Variants in USP33 observed in about 807,000 individuals in gnomAD.
USP33 encodes the protein ubiquitin specific peptidase 33, also known as ubiquitin carboxyl-terminal hydrolase 33.
Under a neutral mutation model 124.2 loss-of-function variants are expected in USP33, and 46 were observed. The observed-to-expected ratio is 0.37, with a 90% confidence interval of 0.29 to 0.47. The LOEUF is 0.47. USP33 is among the 20% of genes least tolerant of loss of function. The probability of loss-of-function intolerance (pLI) is 0.99; values close to 1 mark genes in which losing one functional copy is unlikely to be tolerated. For missense variants in USP33, 851 were observed against 1,070.6 expected (o/e 0.79, Z 2.86); for synonymous variants, 350 against 352.3 (o/e 0.99, Z 0.07).
intron 1 of USP33, among the ~76,000 whole-genome samples, chr1:77,757,638 C>A (rs1380414502): frequency 6.6e-6 from 1 of 152,228 alleles, no homozygotes; most frequent in Non-Finnish European, 1.5e-5. Context: ...AATCTTTCAG[C>A]ATTTTATGTA....
intron 21 of USP33, among the ~76,000 whole-genome samples, chr1:77,707,614 C>G (rs930259902): frequency 6.6e-6 from 1 of 152,068 alleles, no homozygotes; most frequent in African/African-American, 2.4e-5. Flanking sequence ...TTTCCATACT[C>G]AGAGAGAGAA....
rs1326039833 is a variant in USP33, at chr1:77,729,881, T to A, written c.696A>T (p.Thr232=). 1 of 1,613,688 alleles carries A rather than the reference T, an allele frequency of 6.2e-7. No homozygotes were observed. The highest frequency in any genetic ancestry group is 1.7e-5 in the Admixed American group (1 of 59,996). ...TAACCTGCTGAGAATACCCCCGAAA[T>A]GTTGGATTTACAGTTTTAATTCCTT... ...LFQGIKTVNP[T]FRGYSQQDAQ... The change falls in exon 9 of 24, where the codon ACA becomes ACT. Residue 232 remains threonine (T), a synonymous_variant. Transcript: ENST00000370794.
chr1:77,734,091 C>T (rs1454987009), intron 7 of USP33, among the ~76,000 whole-genome samples: 1 of 152,098 alleles, frequency 6.6e-6, no homozygotes, highest in African/African-American at 2.4e-5. Flanking sequence ...TTAGCTGACA[C>T]TCATTTTCTA....
chr1:77,730,786 T>A (rs1677715231), intron 7 of USP33, 55 bp from the exon 8 acceptor site: 1 of 1,188,738 alleles, frequency 8.4e-7, no homozygotes, highest in African/African-American at 1.6e-5. Context: ...TACTGATTAT[T>A]TCTAGTCATT....
In USP33 at chr1:77,721,156, T is replaced by C. The variant is rs749834141; in HGVS notation, c.1691+16A>G. The C allele has an allele frequency of 3.9e-5, 63 of 1,613,578 alleles. No individual in the cohort carries two copies. Among genetic ancestry groups the C allele is most frequent in the Non-Finnish European group, 5.1e-5 (60 of 1,179,814 alleles). On this transcript the variant is annotated intron_variant, in intron 15 of 23. Transcript: ENST00000370794. Reference sequence around the variant, plus strand: ...ATACACAACATGCAATTAAAAGCACTGTCAATGTCACTTACTTTTTGCATT... The same window carrying C: ...ATACACAACATGCAATTAAAAGCACCGTCAATGTCACTTACTTTTTGCATT...
intron 1 of USP33, among the ~76,000 whole-genome samples, chr1:77,744,313 T>C (rs1456081818): frequency 1.3e-5 from 2 of 151,438 alleles, no homozygotes; most frequent in East Asian, 1.9e-4. Context: ...TGACCCACAG[T>C]GAAGAGAAAA....
intron 1 of USP33, among the ~76,000 whole-genome samples, chr1:77,757,561 A>G (rs865781628): frequency 5.9e-5 from 9 of 152,214 alleles, no homozygotes; most frequent in African/African-American, 2.2e-4. Flanking sequence ...TAAAAACTAC[A>G]CTAAATAGAG....
chr1:77,704,257 G>C (rs1374415855), intron 21 of USP33, among the ~76,000 whole-genome samples: 1 of 152,150 alleles, frequency 6.6e-6, no homozygotes, highest in Non-Finnish European at 1.5e-5. Context: ...GGTTAACAAA[G>C]AAATTAAGGC....
intron 21 of USP33, among the ~76,000 whole-genome samples, chr1:77,707,353 G>A (rs1674745028): frequency 1.3e-5 from 2 of 152,174 alleles, no homozygotes; most frequent in South Asian, 4.2e-4. Flanking sequence ...TCCAATCTCT[G>A]CCTCCATCTT....
chr1:77,756,575 C>T (rs1349686137), intron 1 of USP33, among the ~76,000 whole-genome samples: 3 of 152,186 alleles, frequency 2.0e-5, no homozygotes, highest in Non-Finnish European at 2.9e-5. Flanking sequence ...TAGATAAAGG[C>T]AATCTTTATC....
intron 22 of USP33, among the ~76,000 whole-genome samples, chr1:77,698,243 T>C (rs1673618714): frequency 6.6e-6 from 1 of 150,738 alleles, no homozygotes. Context: ...TTTGCTTTTT[T>C]TTTTTTTTTT....
chr1:77,748,833 T>A (rs768630372), intron 1 of USP33, among the ~76,000 whole-genome samples: 2 of 116,346 alleles, frequency 1.7e-5, no homozygotes, highest in Non-Finnish European at 3.2e-5. Flanking sequence ...AGAGATAAAA[T>A]ATGTGTGCTT....
At chr1:77,726,829 CT>C (rs910894437) in intron 10 of USP33, among the ~76,000 whole-genome samples, 1 of 152,028 alleles carries the variant, frequency 6.6e-6, no homozygotes, top group Admixed American at 6.6e-5. Flanking sequence ...AGGAAAGAAT[CT>C]TTTTTTAGAA....
intron 16 of USP33, 44 bp downstream of exon 16, chr1:77,718,552 G>A (rs772636952): frequency 6.3e-6 from 9 of 1,438,046 alleles, no homozygotes; most frequent in Non-Finnish European, 6.8e-6. Context: ...AATACTTTAT[G>A]TTCCTACCAC....
intron 1 of USP33, among the ~76,000 whole-genome samples, chr1:77,749,201 G>C (rs996980126): frequency 6.6e-6 from 1 of 152,002 alleles, no homozygotes; most frequent in Admixed American, 6.6e-5. Context: ...TCCCAATCTT[G>C]TACATTTTTA....
chr1:77,742,120 A>G (rs1679189912), intron 1 of USP33, among the ~76,000 whole-genome samples: 2 of 152,156 alleles, frequency 1.3e-5, no homozygotes, highest in South Asian at 2.1e-4. Context: ...TCCTTTTAAA[A>G]AAAAAATTAA....
rs533562259 is a variant in USP33 at position 77,751,800 on chromosome 1, T to C, written c.-52+7843A>G. Among the ~76,000 whole-genome samples, 70 of 151,530 alleles carry C rather than the reference T, an allele frequency of 4.6e-4. No homozygotes were observed. In the East Asian group the frequency reaches 0.013, roughly 29 times the overall value. On this transcript the variant is annotated intron_variant, in intron 1 of 23. Coordinates refer to ENST00000370794, the MANE Select transcript of USP33 (RefSeq NM_201624.3). ...ACCTCCCGGGTTCACGCCATTCTCC[T>C]GCCTCAGCCTCCTGAGTAGCTGGGA...
chr1:77,720,773 G>A (rs1031655736), intron 15 of USP33, among the ~76,000 whole-genome samples: 11 of 152,142 alleles, frequency 7.2e-5, no homozygotes, highest in African/African-American at 2.7e-4. Context: ...TGTCTTTCTC[G>A]TATGCCATTG....
chr1:77,698,068 CTTTT>C (rs371568762), intron 22 of USP33, 137 bp from the exon 23 acceptor site: 147 of 428,600 alleles, frequency 3.4e-4, no homozygotes, highest in Middle Eastern at 1.4e-3. Flanking sequence ...ATAGTTAATT[CTTTT>C]TTTTTTTTTT....
Sources: allele counts gnomAD v4.1 joint callset (sites outside exome capture counted in the v4.1 genomes callset), GRCh38; gene constraint gnomAD v4.1.1; transcripts MANE v1.5; gene names NCBI Gene and HGNC (gene_info 2026-07-23, HGNC 2026-07-21).